Variants in EIF2AK4 observed in about 807,000 individuals in gnomAD.
The protein encoded by EIF2AK4 is eukaryotic translation initiation factor 2 alpha kinase 4.
Under a neutral mutation model 211.1 loss-of-function variants are expected in EIF2AK4, and 139 were observed. That is an observed-to-expected ratio of 0.66 (90% CI 0.57 to 0.76). The LOEUF (loss-of-function observed/expected upper bound fraction) is 0.76, where lower values mean the gene tolerates loss of function less well. Ranked by LOEUF, EIF2AK4 falls within the 30% of genes least tolerant of loss-of-function variation. EIF2AK4 has a pLI of 0.00. For missense variants in EIF2AK4, 1,664 were observed against 2,043.8 expected, an observed-to-expected ratio of 0.81 and a Z score of 3.58; for synonymous variants, 710 against 751.3, an observed-to-expected ratio of 0.94 and a Z score of 0.90.
At chr15:40,030,502 A>T in intron 35 of EIF2AK4, 46 bp downstream of exon 35, 1 of 1,520,270 alleles carries the variant, frequency 6.6e-7, no homozygotes, top group Non-Finnish European at 9.0e-7. Flanking sequence ...TGAGTTACAG[A>T]AGAGAAAAAC....
chr15:39,961,156 T>C (rs556016878), intron 6 of EIF2AK4, among the ~76,000 whole-genome samples: 2 of 152,298 alleles, frequency 1.3e-5, no homozygotes, highest in Admixed American at 6.5e-5. Flanking sequence ...TTAAGTGTTT[T>C]GGAGAAGTCA....
rs116896219 is a variant in EIF2AK4 at position 40,004,046 on chromosome 15, T to C, written c.3357+732T>C. Among the ~76,000 whole-genome samples, 886 of 152,280 alleles carry C rather than the reference T, an allele frequency of 5.8e-3. 34 individuals carry two copies. In the East Asian group the frequency reaches 0.098, roughly 17 times the overall value. ...TACTGCCTCACCAATAATAAAGAAGTGCAAAGCTGTCTCAACTTCACCCAT... is the reference window on the plus strand; with the variant it reads ...TACTGCCTCACCAATAATAAAGAAGCGCAAAGCTGTCTCAACTTCACCCAT... On this transcript the variant is annotated intron_variant, in intron 23 of 38. Coordinates refer to ENST00000263791, the MANE Select transcript of EIF2AK4 (RefSeq NM_001013703.4).
chr15:40,019,007 G>T, intron 29 of EIF2AK4, 86 bp from the exon 30 acceptor site: 1 of 955,298 alleles, frequency 1.0e-6, no homozygotes, highest in South Asian at 1.5e-5. Flanking sequence ...GCTGCTGACA[G>T]AGTGCTCACT....
intron 31 of EIF2AK4, chr15:40,021,523 G>C (rs1037672961): frequency 6.6e-6 from 1 of 152,598 alleles, no homozygotes; most frequent in African/African-American, 2.4e-5. Flanking sequence ...ATCACTCACA[G>C]GTTCTAGGAA....
intron 1 of EIF2AK4, among the ~76,000 whole-genome samples, chr15:39,937,887 C>G (rs1055735069): frequency 5.9e-5 from 9 of 152,162 alleles, no homozygotes; most frequent in African/African-American, 2.2e-4. Flanking sequence ...CCTGGTAAAA[C>G]AAACAAAAAA....
intron 29 of EIF2AK4, among the ~76,000 whole-genome samples, chr15:40,017,571 G>A (rs1485852437): frequency 8.6e-6 from 1 of 116,550 alleles, no homozygotes; most frequent in Non-Finnish European, 1.7e-5. Context: ...TGGAGACAGG[G>A]CCTTGCTCTG....
Position 40,035,105 on chromosome 15 carries a change from C to T in EIF2AK4, c.*21C>T, listed in dbSNP as rs1313835570. 2.0e-6 allele frequency: 3 copies of T among 1,520,394 alleles called. No homozygotes were observed. In the African/African-American group the frequency reaches 4.1e-5, roughly 21 times the overall value. 94.2% of individuals were successfully genotyped at this position (1,520,394 alleles called of 1,614,324 possible). On this transcript the variant is annotated 3_prime_UTR_variant, in exon 39 of 39. Coordinates refer to ENST00000263791, the MANE Select transcript of EIF2AK4 (RefSeq NM_001013703.4). ...TTTAACCCTAAAGAACTGTCGTTAA[C>T]CTCATTCAAACAGACAGAGGCTTAT...
Position 40,017,551 on chromosome 15 carries a change from A to ATATATATATATATATATGTATATG in EIF2AK4, c.4065+312_4065+313insATATATATATATATGTATATGTAT, listed in dbSNP as rs71132134. On this transcript the variant is annotated intron_variant, in intron 29 of 38. Coordinates refer to ENST00000263791, the MANE Select transcript of EIF2AK4 (RefSeq NM_001013703.4). ...TATATATATATATATATATATATAT[A>ATATATATATATATATATGTATATG]TATGTATTTTGGAGACAGGGCCTTG... is the stretch of plus-strand genomic sequence containing the variant. Among the ~76,000 whole-genome samples the ATATATATATATATATATGTATATG allele has an allele frequency of 4.6e-5, 4 of 87,086 alleles. 1 individual carries two copies. The highest frequency in any genetic ancestry group is 1.8e-4 in the African/African-American group (4 of 22,386). The allele number at this position is 87,086 out of a possible 152,430, so 57.1% of individuals were successfully genotyped here.
At chr15:40,032,625 A>C in intron 36 of EIF2AK4, 132 bp from the exon 37 acceptor site, 1 of 752,482 alleles carries the variant, frequency 1.3e-6, no homozygotes, top group East Asian at 2.7e-5. Context: ...ACAGTTCATT[A>C]AGCCCTTTTA....
At chr15:39,953,390 C>G in intron 4 of EIF2AK4, among the ~76,000 whole-genome samples, 1 of 152,102 alleles carries the variant, frequency 6.6e-6, no homozygotes, top group Middle Eastern at 3.2e-3. Flanking sequence ...CCACTTTTAA[C>G]ATTGAGAAAG....
At chr15:40,014,079 A>T (rs2035273621) in intron 27 of EIF2AK4, among the ~76,000 whole-genome samples, 2 of 152,268 alleles carry the variant, frequency 1.3e-5, no homozygotes, top group African/African-American at 4.8e-5. Context: ...TCTAGAATCC[A>T]GCAGGGCAGT....
At chr15:39,964,101 A>T (rs1413103951) in intron 7 of EIF2AK4, among the ~76,000 whole-genome samples, 2 of 152,234 alleles carry the variant, frequency 1.3e-5, no homozygotes, top group African/African-American at 4.8e-5. Flanking sequence ...TTTATGACTA[A>T]CAGATCATTT....
rs145389221 is a variant in EIF2AK4, at chr15:40,026,731, T to C, written c.4502+642T>C. Among the ~76,000 whole-genome samples the C allele has an allele frequency of 3.7e-3, 562 of 152,350 alleles. 1 individual carries two copies. Among genetic ancestry groups the C allele is most frequent in the African/African-American group, 0.012 (491 of 41,570 alleles). On this transcript the variant is annotated intron_variant, in intron 33 of 38. Coordinates refer to ENST00000263791, the MANE Select transcript of EIF2AK4 (RefSeq NM_001013703.4). ...ATCAGTGAATTTCAATAATATTTTG[T>C]CCGTGTACTTTGAAAGATGTAACGT...
chr15:40,023,542 C>T lies in EIF2AK4; in HGVS notation c.4389+937C>T, dbSNP rs184837622. On this transcript the variant is annotated intron_variant, in intron 32 of 38. Coordinates refer to ENST00000263791, the MANE Select transcript of EIF2AK4 (RefSeq NM_001013703.4). ...CAGCTTTGGTAGTTTATATCTTTCCCGGAACTTTTCCATTTCGTCTGAGTT... is the reference window on the plus strand; with the variant it reads ...CAGCTTTGGTAGTTTATATCTTTCCTGGAACTTTTCCATTTCGTCTGAGTT... Among the ~76,000 whole-genome samples the T allele has an allele frequency of 4.1e-4, 62 of 152,272 alleles. No homozygotes were observed. In the East Asian group the frequency reaches 4.6e-3, roughly 11 times the overall value.
At chr15:39,954,281 C>T (rs2034359771) in intron 5 of EIF2AK4, among the ~76,000 whole-genome samples, 1 of 152,174 alleles carries the variant, frequency 6.6e-6, no homozygotes, top group African/African-American at 2.4e-5. Flanking sequence ...GAGACAGAGT[C>T]TCATTCTGTC....
Position 40,017,200 on chromosome 15 carries a change from T to C in EIF2AK4, c.4023T>C (p.Ala1341=), listed in dbSNP as rs1338459813. 6.2e-7 allele frequency: 1 copy of C among 1,613,900 alleles called. No homozygotes were observed. The highest frequency in any genetic ancestry group is 8.5e-7 in the Non-Finnish European group (1 of 1,179,798). ...FVAFIKRRQR[A]VPEILAAGGR... ...CTTTCATCAAACGAAGGCAAAGGGC[T>C]GTACCTGAAATCCTCGCAGCTGGAG... is the stretch of plus-strand genomic sequence containing the variant. The change falls in exon 29 of 39, where the codon GCT becomes GCC. Residue 1341 remains alanine (A), a synonymous_variant. Coordinates refer to ENST00000263791, the MANE Select transcript of EIF2AK4 (RefSeq NM_001013703.4).
At chr15:39,943,655 T>C (rs890826902) in intron 3 of EIF2AK4, among the ~76,000 whole-genome samples, 170 bp downstream of exon 3, 3 of 152,188 alleles carry the variant, frequency 2.0e-5, no homozygotes, top group Admixed American at 6.5e-5. Flanking sequence ...GATGGTACTA[T>C]TGATGCTGAA....
intron 36 of EIF2AK4, 122 bp from the exon 37 acceptor site, chr15:40,032,635 A>G (rs1404747318): frequency 4.8e-6 from 4 of 836,498 alleles, no homozygotes; most frequent in Non-Finnish European, 7.6e-6. Flanking sequence ...AAGCCCTTTT[A>G]CAGCACAATA....
chr15:39,950,624 A>T (rs968563888), intron 4 of EIF2AK4, among the ~76,000 whole-genome samples: 1 of 151,920 alleles, frequency 6.6e-6, no homozygotes, highest in Non-Finnish European at 1.5e-5. Flanking sequence ...AAAGAAAAAT[A>T]TAGTGAATGG....
Sources: allele counts gnomAD v4.1 joint callset (sites outside exome capture counted in the v4.1 genomes callset), GRCh38; gene constraint gnomAD v4.1.1; transcripts MANE v1.5; gene names NCBI Gene and HGNC (gene_info 2026-07-23, HGNC 2026-07-21).